IGDCC3: variants seen among roughly 807,000 people sequenced by gnomAD.
IGDCC3 encodes putative neuronal cell adhesion molecule.
In IGDCC3, 47 loss-of-function variants were observed where a neutral mutation model predicts 72.0. The observed-to-expected ratio is 0.65, with a 90% CI of 0.52 to 0.83. IGDCC3 has a LOEUF of 0.83. IGDCC3 is among the 40% of genes least tolerant of loss of function. The pLI is 0.00. For synonymous variants in IGDCC3, 477 were observed against 472.8 expected, an observed-to-expected ratio of 1.01 and a Z score of -0.11; for missense variants, 1,038 against 1,091.3, an observed-to-expected ratio of 0.95 and a Z score of 0.69.
chr15:65,371,725 G>A (rs1182564746), intron 2 of IGDCC3, among the ~76,000 whole-genome samples: 1 of 152,214 alleles, frequency 6.6e-6, no homozygotes, highest in African/African-American at 2.4e-5. Context: ...GGGATTGAGG[G>A]TGGCAGGGAC....
At position 65,377,710 on chromosome 15, in the gene IGDCC3, G is replaced by A. The variant is rs1191888184; in HGVS notation, c.79C>T (p.Leu27=). 2 of 1,397,588 alleles carry A rather than the reference G, an allele frequency of 1.4e-6. No homozygotes were observed. Among genetic ancestry groups the A allele is most frequent in the Non-Finnish European group, 1.9e-6 (2 of 1,079,632 alleles). 86.6% of individuals were successfully genotyped at this position (1,397,588 alleles called of 1,614,324 possible). The change falls in exon 1 of 14, where the codon CTG becomes TTG. Residue 27 remains leucine (L), a synonymous_variant. Coordinates refer to ENST00000327987, the MANE Select transcript of IGDCC3 (RefSeq NM_004884.4). The surrounding 1 kb of genome is among the most constrained non-coding windows in gnomAD (Gnocchi z 4.9). The part of the protein sequence containing the change: ...WPRLLLPLLL[L]LLPAPSEGLG... ...CCCTCGCTCGGCGCGGGCAGCAGCA[G>A]CAACAGCAGCGGCAGCAGGAGCCGG...
intron 2 of IGDCC3, among the ~76,000 whole-genome samples, chr15:65,367,048 AAAACTATGGC>A: frequency 1.3e-5 from 2 of 152,328 alleles, no homozygotes; most frequent in East Asian, 3.9e-4. Flanking sequence ...ATTGAATAAG[AAAACTATGGC>A]CCAGGCCGGG....
In IGDCC3 at chr15:65,330,760, G is replaced by T; in HGVS notation, c.1562-19C>A. Reference sequence around the variant, plus strand: ...GCAGGGGCTGCAGGTAGAGAAGGAGGCCACGATGTGAGGACCCAGTGGAAG... The same window carrying T: ...GCAGGGGCTGCAGGTAGAGAAGGAGTCCACGATGTGAGGACCCAGTGGAAG... On this transcript the variant is annotated intron_variant, in intron 9 of 13. Transcript: ENST00000327987. The T allele has an allele frequency of 6.4e-7, 1 of 1,571,662 alleles. No individual in the cohort carries two copies. Among genetic ancestry groups the T allele is most frequent in the Non-Finnish European group, 8.7e-7 (1 of 1,153,884 alleles).
chr15:65,362,846 ATTTTTTTT>A (rs869239198), intron 2 of IGDCC3, among the ~76,000 whole-genome samples: 108 of 85,732 alleles, frequency 1.3e-3, no homozygotes, highest in African/African-American at 3.8e-3. Flanking sequence ...AGGTTTGGGG[ATTTTTTTT>A]TTTTTTTTTT....
rs1426173464 is a variant in IGDCC3, at chr15:65,377,902, C to T, written c.-114G>A. 3.1e-6 allele frequency: 3 copies of T among 974,888 alleles called. No homozygotes were observed. The highest frequency in any genetic ancestry group is 9.4e-5 in the South Asian group (2 of 21,218). The allele number at this position is 974,888 out of a possible 1,614,324, so 60.4% of individuals were successfully genotyped here. A position where few individuals can be genotyped will look rare whatever the true frequency, so the allele number is the denominator to read the frequency against. ...GGCTGGGGCTCCGGCCGGGGCCGAGCCCAGGCGGTGGGGGACTGGGGCCGC... is the reference window on the plus strand; with the variant it reads ...GGCTGGGGCTCCGGCCGGGGCCGAGTCCAGGCGGTGGGGGACTGGGGCCGC... On this transcript the variant is annotated 5_prime_UTR_variant, in exon 1 of 14. Transcript: ENST00000327987. The surrounding 1 kb of genome is among the most constrained non-coding windows in gnomAD (Gnocchi z 4.9).
At chr15:65,355,283 T>C (rs1055668531) in intron 2 of IGDCC3, among the ~76,000 whole-genome samples, 30 of 152,054 alleles carry the variant, frequency 2.0e-4, no homozygotes, top group Non-Finnish European at 4.0e-4. Context: ...AGTGGGACCA[T>C]CTGCTCCACT....
intron 2 of IGDCC3, among the ~76,000 whole-genome samples, chr15:65,343,669 G>A (rs1371110634): frequency 1.3e-5 from 2 of 152,196 alleles, no homozygotes; most frequent in Admixed American, 1.3e-4. Flanking sequence ...GCGCCCGATG[G>A]CTACTCTGGC....
Position 65,339,381 on chromosome 15 carries a change from A to G in IGDCC3, c.410-3425T>C, listed in dbSNP as rs546068068. On this transcript the variant is annotated intron_variant, in intron 2 of 13. Transcript: ENST00000327987. This position sits in a 1 kb window ranked among gnomAD's most constrained non-coding sequence, Gnocchi z 4.1. ...AGGCGTGAGCTACTGTGCCTGGCCA[A>G]TTTTTGTATTTCTTATAGAGACAGG... 6.6e-6 allele frequency among the ~76,000 whole-genome samples: 1 copy of G among 152,122 alleles called. No individual in the cohort carries two copies. The highest frequency in any genetic ancestry group is 1.5e-5 in the Non-Finnish European group (1 of 68,014).
At chr15:65,361,653 G>C (rs1461021207) in intron 2 of IGDCC3, among the ~76,000 whole-genome samples, 1 of 123,162 alleles carries the variant, frequency 8.1e-6, no homozygotes, top group African/African-American at 3.3e-5. Flanking sequence ...AAGGCCCCGC[G>C]TCCTGGATGC....
chr15:65,376,723 C>G (rs993680000), intron 1 of IGDCC3, among the ~76,000 whole-genome samples: 44 of 152,182 alleles, frequency 2.9e-4, no homozygotes, highest in Non-Finnish European at 2.9e-5. Context: ...CGTCTTAGCC[C>G]CGAATCCAAC....
At position 65,377,662 on chromosome 15, in the gene IGDCC3, C is replaced by T. The variant is rs1398315596; in HGVS notation, c.103+24G>A. On this transcript the variant is annotated intron_variant, in intron 1 of 13. Coordinates refer to ENST00000327987, the MANE Select transcript of IGDCC3 (RefSeq NM_004884.4). This position sits in a 1 kb window ranked among gnomAD's most constrained non-coding sequence, Gnocchi z 4.9. ...TTCCCCTGGCTCCGTCCGCAACCGC[C>T]CGGTCCGGGGCGCTTTCACTCACCC... is the stretch of plus-strand genomic sequence containing the variant. 7.0e-7 allele frequency: 1 copy of T among 1,436,314 alleles called. No homozygotes were observed. The highest frequency in any genetic ancestry group is 9.1e-7 in the Non-Finnish European group (1 of 1,100,918). 89.0% of individuals were successfully genotyped at this position (1,436,314 alleles called of 1,614,324 possible).
At position 65,334,726 on chromosome 15, in the gene IGDCC3, A is replaced by C. The variant is rs1385425299; in HGVS notation, c.823+2T>G. ...GGCAGGGGCTGTGGGGATGAGGCTC[A>C]CCCAGGCGGCTCCAGGACACAATGG... On this transcript the variant is annotated splice_donor_variant, in intron 5 of 13. Coordinates refer to ENST00000327987, the MANE Select transcript of IGDCC3 (RefSeq NM_004884.4). LOFTEE classifies it high-confidence loss of function. 10 of 1,559,528 alleles carry C rather than the reference A, an allele frequency of 6.4e-6. No homozygotes were observed. Among genetic ancestry groups the C allele is most frequent in the Non-Finnish European group, 6.9e-6 (8 of 1,152,772 alleles).
chr15:65,370,548 A>G (rs11853297), intron 2 of IGDCC3, among the ~76,000 whole-genome samples: 6 of 139,482 alleles, frequency 4.3e-5, no homozygotes, highest in East Asian at 4.2e-4. Flanking sequence ...TTATATATAT[A>G]TGTGTGTGTG....
Position 65,335,000 on chromosome 15 carries a change from C to G in IGDCC3, c.686-135G>C, listed in dbSNP as rs2091014445. Reference sequence around the variant, plus strand: ...CCAGGTCCTGTGGGCAGAGAGATACCAGGAGACCAGGACGTTCCAGACATC... The same window carrying G: ...CCAGGTCCTGTGGGCAGAGAGATACGAGGAGACCAGGACGTTCCAGACATC... On this transcript the variant is annotated intron_variant, in intron 4 of 13. Coordinates refer to ENST00000327987, the MANE Select transcript of IGDCC3 (RefSeq NM_004884.4). 2.8e-6 allele frequency: 3 copies of G among 1,064,100 alleles called. No individual in the cohort carries two copies. The South Asian group carries it at 5.0e-5, about 18-fold the overall frequency. 65.9% of individuals were successfully genotyped at this position (1,064,100 alleles called of 1,614,324 possible).
chr15:65,352,076 T>C (rs1214630300), intron 2 of IGDCC3, among the ~76,000 whole-genome samples: 1 of 152,238 alleles, frequency 6.6e-6, no homozygotes, highest in East Asian at 1.9e-4. Flanking sequence ...GCTGGAAACT[T>C]CATGAATATC....
chr15:65,335,268 G>A (rs1385566293), intron 4 of IGDCC3, 23 bp downstream of exon 4: 2 of 1,592,170 alleles, frequency 1.3e-6, no homozygotes, highest in Admixed American at 3.5e-5. Flanking sequence ...GGAGGTTGGG[G>A]GAAAGTGCTG....
chr15:65,333,330 G>GC lies in IGDCC3; in HGVS notation c.908dup (p.Val304ArgfsTer28). ...GTCTGTTGGCTGCACAGACGTAGACGCCAGAGTGCTGGACCGTCACGTCTG... is the reference window on the plus strand; with the variant it reads ...GTCTGTTGGCTGCACAGACGTAGACGCCCAGAGTGCTGGACCGTCACGTCTG... On this transcript the variant is annotated frameshift_variant, in exon 6 of 14. Transcript: ENST00000327987. LOFTEE classifies it high-confidence loss of function. 1 of 1,613,188 alleles carries GC rather than the reference G, an allele frequency of 6.2e-7. No individual in the cohort carries two copies. The highest frequency in any genetic ancestry group is 8.5e-7 in the Non-Finnish European group (1 of 1,179,686).
intron 2 of IGDCC3, among the ~76,000 whole-genome samples, chr15:65,354,717 C>T (rs1292544677): frequency 6.6e-6 from 1 of 152,202 alleles, no homozygotes; most frequent in African/African-American, 2.4e-5. Flanking sequence ...GGGATCACTC[C>T]TCATCTTGTC....
At chr15:65,372,189 CAA>C (rs968559329) in intron 2 of IGDCC3, among the ~76,000 whole-genome samples, 1 of 152,186 alleles carries the variant, frequency 6.6e-6, no homozygotes, top group African/African-American at 2.4e-5. Flanking sequence ...GCGTGCCAGG[CAA>C]AGTGTGGGGT....
Sources: allele counts gnomAD v4.1 joint callset (sites outside exome capture counted in the v4.1 genomes callset), GRCh38; gene constraint gnomAD v4.1.1; non-coding constraint Gnocchi (gnomAD v3.1); transcripts MANE v1.5; gene names NCBI Gene and HGNC (gene_info 2026-07-23, HGNC 2026-07-21).